URI1: variants seen among roughly 807,000 people sequenced by gnomAD.
The protein encoded by URI1 is unconventional prefoldin RPB5 interactor 1.
URI1 carries 39 observed loss-of-function variants against 60.2 expected under a neutral mutation model. That is an observed-to-expected ratio of 0.65 (90% CI 0.50 to 0.85). The LOEUF (loss-of-function observed/expected upper bound fraction) is 0.85, where lower values mean the gene tolerates loss of function less well. Ranked by LOEUF, URI1 falls within the 40% of genes least tolerant of loss-of-function variation. URI1 has a pLI of 0.00. For missense variants in URI1, 691 were observed against 665.9 expected, an observed-to-expected ratio of 1.04 and a Z score of -0.42; for synonymous variants, 251 against 236.8, an observed-to-expected ratio of 1.06 and a Z score of -0.55.
chr19:30,005,283 G>C, intron 4 of URI1, 78 bp from the exon 5 acceptor site: 1 of 773,962 alleles, frequency 1.3e-6, no homozygotes, highest in Non-Finnish European at 2.1e-6. Context: ...CTTGTAGTGT[G>C]ATAGGACTAC....
At chr19:29,981,823 C>G (rs993893554) in intron 2 of URI1, among the ~76,000 whole-genome samples, 2 of 151,994 alleles carry the variant, frequency 1.3e-5, no homozygotes, top group African/African-American at 4.8e-5. Flanking sequence ...TTTTTGATTA[C>G]TGTAATGACT....
upstream of URI1, among the ~76,000 whole-genome samples, chr19:29,940,932 AAG>A (rs1405706958): frequency 1.3e-5 from 2 of 152,196 alleles, no homozygotes; most frequent in Non-Finnish European, 2.9e-5. Context: ...GTGGTGGTAG[AAG>A]AGATGGTAAC....
At chr19:30,005,778 TC>T in intron 6 of URI1, 70 bp downstream of exon 6, 1 of 1,403,526 alleles carries the variant, frequency 7.1e-7, no homozygotes. Context: ...CAGTGGGCTT[TC>T]TGTGAGATAT....
intron 1 of URI1, among the ~76,000 whole-genome samples, chr19:29,964,789 C>T (rs1440225892): frequency 6.6e-6 from 1 of 151,014 alleles, no homozygotes; most frequent in Non-Finnish European, 1.5e-5. Context: ...AAATGTACTT[C>T]TTTAATTAAT....
intron 1 of URI1, among the ~76,000 whole-genome samples, chr19:29,934,125 G>C (rs185285429): frequency 1.2e-3 from 175 of 151,728 alleles, no homozygotes; most frequent in African/African-American, 3.9e-3. Context: ...TAGAAGAGAC[G>C]GGGTTTCACC....
intron 9 of URI1, 139 bp from the exon 10 acceptor site, chr19:30,012,146 T>C: frequency 2.0e-6 from 2 of 984,138 alleles, no homozygotes; most frequent in Non-Finnish European, 1.4e-6. Context: ...ATTATTGTGA[T>C]TGTGACTATT....
rs765085720 is a variant in URI1 at position 30,009,308 on chromosome 19, T to C, written c.990T>C (p.Asn330=). Reference sequence around the variant, plus strand: ...ATGAGGCTTTAGGGGTTGGAGATAATTCTATACCAACAATATATTTTTCAC... The same window carrying C: ...ATGAGGCTTTAGGGGTTGGAGATAACTCTATACCAACAATATATTTTTCAC... ...NDHEALGVGD[N]SIPTIYFSHT... The change falls in exon 8 of 11, where the codon AAT becomes AAC. Residue 330 remains asparagine, a synonymous_variant. Transcript: ENST00000392271. 1 of 1,614,086 alleles carries C rather than the reference T, an allele frequency of 6.2e-7. No individual in the cohort carries two copies. The highest frequency in any genetic ancestry group is 2.2e-5 in the East Asian group (1 of 44,886).
In URI1 at chr19:29,979,052, A is replaced by G. The variant is rs764450940; in HGVS notation, c.153-6171A>G. Among the ~76,000 whole-genome samples the G allele has an allele frequency of 2.6e-5, 4 of 152,178 alleles. No homozygotes were observed. In the South Asian group the frequency reaches 8.3e-4, roughly 31 times the overall value. The stretch of plus-strand genomic sequence containing the variant: ...AAAAGGGTTTTTTAATTGCTACTGT[A>G]ATTAAGAAAACCCACAAAATTACTT... On this transcript the variant is annotated intron_variant, in intron 2 of 10. Transcript: ENST00000392271.
chr19:29,982,410 G>GT lies in URI1; in HGVS notation c.153-2804dup, dbSNP rs201863135. Among the ~76,000 whole-genome samples, 1,167 of 150,918 alleles carry GT rather than the reference G, an allele frequency of 7.7e-3. 17 individuals carry two copies. Among genetic ancestry groups the GT allele is most frequent in the African/African-American group, 0.023 (935 of 41,176 alleles). The stretch of plus-strand genomic sequence containing the variant: ...AATAGATGTTTTTTGTGAGGAAGTT[G>GT]TTTTTTTTTCTCCTAAGCATTGTTA... On this transcript the variant is annotated intron_variant, in intron 2 of 10. Transcript: ENST00000392271.
intron 4 of URI1, among the ~76,000 whole-genome samples, chr19:29,998,083 T>C (rs1190646086): frequency 6.6e-6 from 1 of 152,180 alleles, no homozygotes; most frequent in East Asian, 1.9e-4. Flanking sequence ...TGATTTCTTC[T>C]TTGACCCATT....
At chr19:29,937,970 A>G (rs552720148), upstream of URI1, 1 of 152,104 alleles carries the variant, frequency 6.6e-6, no homozygotes, top group East Asian at 1.9e-4. Context: ...CTCTTTTTTC[A>G]TCAAGAACTC....
chr19:29,976,628 T>C (rs1371850355), intron 2 of URI1, among the ~76,000 whole-genome samples: 1 of 152,196 alleles, frequency 6.6e-6, no homozygotes, highest in Non-Finnish European at 1.5e-5. Flanking sequence ...CTTTATTGAA[T>C]AGGTCCTACA....
At chr19:30,004,918 G>A (rs1389722206) in intron 4 of URI1, among the ~76,000 whole-genome samples, 1 of 151,960 alleles carries the variant, frequency 6.6e-6, no homozygotes, top group Non-Finnish European at 1.5e-5. Flanking sequence ...TGTATTTTCA[G>A]TCATCTAATT....
rs976372415 is a variant in URI1, at chr19:29,942,521, C to A, written c.-27C>A. The A allele has an allele frequency of 1.3e-5, 18 of 1,354,012 alleles. No individual in the cohort carries two copies. Among genetic ancestry groups the A allele is most frequent in the Non-Finnish European group, 1.6e-5 (17 of 1,051,832 alleles). The allele number at this position is 1,354,012 out of a possible 1,614,324, so 83.9% of individuals were successfully genotyped here. A position where few individuals can be genotyped will look rare whatever the true frequency, so the allele number is the denominator to read the frequency against. ...CGCAGGCGCTGGTTCAGGACTCACA[C>A]GCCGCGCTGAGGCCCGCGGGCCCGT... is the stretch of plus-strand genomic sequence containing the variant. On this transcript the variant is annotated 5_prime_UTR_variant, in exon 1 of 11. Coordinates refer to ENST00000392271, the MANE Select transcript of URI1 (RefSeq NM_003796.3).
intron 4 of URI1, among the ~76,000 whole-genome samples, chr19:29,995,725 GT>G (rs573446078): frequency 1.5e-4 from 21 of 142,594 alleles, no homozygotes; most frequent in Non-Finnish European, 1.4e-4. Flanking sequence ...GCTTCCCTGT[GT>G]TTTTTTTTTT....
At chr19:30,001,968 C>T (rs1316426099) in intron 4 of URI1, among the ~76,000 whole-genome samples, 1 of 151,890 alleles carries the variant, frequency 6.6e-6, no homozygotes, top group Non-Finnish European at 1.5e-5. Flanking sequence ...ACATCCTGTC[C>T]AGAGGTTTGT....
intron 1 of URI1, among the ~76,000 whole-genome samples, chr19:29,946,065 CT>C (rs1372939108): frequency 7.7e-5 from 1 of 12,920 alleles, no homozygotes; most frequent in African/African-American, 3.3e-4. Context: ...AGTTGATTTC[CT>C]TCCCCCCCCC....
intron 1 of URI1, among the ~76,000 whole-genome samples, chr19:29,932,056 G>T (rs967897838): frequency 6.6e-6 from 1 of 151,584 alleles, no homozygotes; most frequent in African/African-American, 2.4e-5. Context: ...TCTTTATCTT[G>T]CCTAGTTGCT....
intron 1 of URI1, among the ~76,000 whole-genome samples, chr19:29,932,692 C>T (rs1318672829): frequency 1.4e-5 from 2 of 147,040 alleles, no homozygotes; most frequent in African/African-American, 5.0e-5. Flanking sequence ...CCTCTTGTTG[C>T]CCGGGCTGGA....
Sources: allele counts gnomAD v4.1 joint callset (sites outside exome capture counted in the v4.1 genomes callset), GRCh38; gene constraint gnomAD v4.1.1; transcripts MANE v1.5; gene names NCBI Gene and HGNC (gene_info 2026-07-23, HGNC 2026-07-21).